The following TNFSF4 variants were observed in gnomAD, a reference collection of about 807,000 sequenced individuals.
The protein encoded by TNFSF4 is TNF superfamily member 4, also known as tumor necrosis factor ligand superfamily member 4.
In TNFSF4, 4 loss-of-function variants were observed where a neutral mutation model predicts 7.3. That is an observed-to-expected ratio of 0.55 (90% CI 0.27 to 1.25). The LOEUF (loss-of-function observed/expected upper bound fraction) is 1.25. TNFSF4 is among the 50% of genes most tolerant of loss of function. The pLI is 0.12. For synonymous variants in TNFSF4, 76 were observed against 83.7 expected, an observed-to-expected ratio of 0.91 and a Z score of 0.50; for missense variants, 181 against 208.8, an observed-to-expected ratio of 0.87 and a Z score of 0.82.
chr1:173,286,675 C>G, the TNFSF4 span, among the ~76,000 whole-genome samples: 1 of 152,040 alleles, frequency 6.6e-6, no homozygotes, highest in Non-Finnish European at 1.5e-5. Flanking sequence ...TCTTTCTGAA[C>G]TTGGGAAAGA....
chr1:173,194,530 C>T (rs940073430), intron 1 of TNFSF4, among the ~76,000 whole-genome samples: 6 of 152,114 alleles, frequency 3.9e-5, no homozygotes, highest in Non-Finnish European at 8.8e-5. Context: ...GAGCAAAAGA[C>T]ATTCTATAAT....
At chr1:173,322,018 T>A in the TNFSF4 span, among the ~76,000 whole-genome samples, 4 of 152,236 alleles carry the variant, frequency 2.6e-5, no homozygotes, top group African/African-American at 9.6e-5. Flanking sequence ...TGCACACATA[T>A]GTTTATTGCA....
At chr1:173,346,068 C>T in the TNFSF4 span, among the ~76,000 whole-genome samples, 1 of 152,158 alleles carries the variant, frequency 6.6e-6, no homozygotes, top group Non-Finnish European at 1.5e-5. Context: ...GTATGTGGCT[C>T]ACCTTCCTGA....
At chr1:173,231,583 A>T in the TNFSF4 span, among the ~76,000 whole-genome samples, 1 of 152,212 alleles carries the variant, frequency 6.6e-6, no homozygotes, top group Non-Finnish European at 1.5e-5. Flanking sequence ...GTAGTGTTGG[A>T]AGTCCTGGCT....
chr1:173,308,026 C>T, the TNFSF4 span, among the ~76,000 whole-genome samples: 1 of 151,844 alleles, frequency 6.6e-6, no homozygotes. Context: ...TAGTTAAATG[C>T]CTTGTTCAAG....
the TNFSF4 span, among the ~76,000 whole-genome samples, chr1:173,310,325 A>G: frequency 1.3e-5 from 2 of 151,904 alleles, no homozygotes; most frequent in Non-Finnish European, 2.9e-5. Flanking sequence ...AGGGTACCAC[A>G]TGTTTTGATA....
the TNFSF4 span, among the ~76,000 whole-genome samples, chr1:173,363,907 A>G: frequency 2.0e-4 from 30 of 152,336 alleles, no homozygotes; most frequent in African/African-American, 7.0e-4. Context: ...CCACTTTCTT[A>G]GTCTGTTGGG....
At chr1:173,269,495 C>A in the TNFSF4 span, among the ~76,000 whole-genome samples, 3 of 152,100 alleles carry the variant, frequency 2.0e-5, no homozygotes, top group Non-Finnish European at 2.9e-5. Flanking sequence ...TCCAGCATCA[C>A]TATTTTTGCA....
chr1:173,313,087 C>T, the TNFSF4 span, among the ~76,000 whole-genome samples: 1 of 152,114 alleles, frequency 6.6e-6, no homozygotes, highest in Non-Finnish European at 1.5e-5. Context: ...ATTCCCTTCA[C>T]TTTTCTACTA....
the TNFSF4 span, among the ~76,000 whole-genome samples, chr1:173,216,432 C>A: frequency 9.2e-5 from 14 of 152,144 alleles, no homozygotes; most frequent in African/African-American, 3.4e-4. Context: ...TTCCTTCCCC[C>A]AAAGGTAATG....
chr1:173,337,170 G>A, the TNFSF4 span, among the ~76,000 whole-genome samples: 1 of 152,106 alleles, frequency 6.6e-6, no homozygotes. Flanking sequence ...TGCAGTGCAG[G>A]CCCCTAGGAT....
At chr1:173,259,062 G>C in the TNFSF4 span, among the ~76,000 whole-genome samples, 1 of 151,974 alleles carries the variant, frequency 6.6e-6, no homozygotes, top group East Asian at 1.9e-4. Flanking sequence ...AGCCAACAGG[G>C]GTCACTAGAC....
At chr1:173,351,000 C>T in the TNFSF4 span, among the ~76,000 whole-genome samples, 1 of 152,104 alleles carries the variant, frequency 6.6e-6, no homozygotes, top group Non-Finnish European at 1.5e-5. Context: ...GTTCTGTCAC[C>T]CAGCAGCCCA....
At chr1:173,244,537 G>T in the TNFSF4 span, among the ~76,000 whole-genome samples, 1 of 149,682 alleles carries the variant, frequency 6.7e-6, no homozygotes, top group Non-Finnish European at 1.5e-5. Flanking sequence ...AGCTACTTGG[G>T]AGGCTGAGGC....
chr1:173,309,445 AT>A, the TNFSF4 span, among the ~76,000 whole-genome samples: 1 of 151,628 alleles, frequency 6.6e-6, no homozygotes, highest in African/African-American at 2.4e-5. Flanking sequence ...TTTATCAGAG[AT>A]TTTTCTTGAA....
chr1:173,409,968 T>A, the TNFSF4 span, among the ~76,000 whole-genome samples: 1 of 152,188 alleles, frequency 6.6e-6, no homozygotes, highest in Non-Finnish European at 1.5e-5. Context: ...AAACATAAAC[T>A]TAAATTTTTT....
At chr1:173,416,526 C>T in the TNFSF4 span, among the ~76,000 whole-genome samples, 23 of 152,196 alleles carry the variant, frequency 1.5e-4, no homozygotes, top group African/African-American at 5.1e-4. Context: ...GGTCTCCCAG[C>T]CCAGTAACAA....
chr1:173,209,881 G>T (rs1218275384), upstream of TNFSF4, among the ~76,000 whole-genome samples: 2 of 151,870 alleles, frequency 1.3e-5, no homozygotes, highest in Non-Finnish European at 2.9e-5. Context: ...TAAAGCCACA[G>T]GATGTAAAAT....
the TNFSF4 span, among the ~76,000 whole-genome samples, chr1:173,432,189 G>A: frequency 6.6e-6 from 1 of 152,164 alleles, no homozygotes; most frequent in East Asian, 1.9e-4. Context: ...GCTCCCCAGT[G>A]AGGAATCCAG....
Sources: gnomAD v4.1 joint callset for allele counts (sites outside exome capture counted in the v4.1 genomes callset) on GRCh38, gnomAD v4.1.1 for gene constraint, MANE v1.5 for transcripts, NCBI Gene and HGNC (gene_info 2026-07-23, HGNC 2026-07-21) for gene names.